QTMAN: variants seen among roughly 807,000 people sequenced by gnomAD.
QTMAN encodes the protein queuosine-tRNA mannosyltransferase.
the QTMAN span, among the ~76,000 whole-genome samples, chr2:144,122,979 C>T: frequency 3.3e-5 from 5 of 152,238 alleles, no homozygotes; most frequent in South Asian, 2.1e-4. Flanking sequence ...CATACACACA[C>T]GCACCCCTCT....
At chr2:144,298,148 A>G in the QTMAN span, among the ~76,000 whole-genome samples, 1 of 151,356 alleles carries the variant, frequency 6.6e-6, no homozygotes, top group African/African-American at 2.4e-5. Flanking sequence ...CCTCCCGAGT[A>G]GCTGGGACTA....
the QTMAN span, among the ~76,000 whole-genome samples, chr2:144,107,827 C>T: frequency 2.6e-5 from 4 of 152,168 alleles, no homozygotes; most frequent in African/African-American, 9.7e-5. Flanking sequence ...GTCAATATCC[C>T]TGATGAACAT....
At chr2:144,291,863 C>T in the QTMAN span, among the ~76,000 whole-genome samples, 3 of 152,300 alleles carry the variant, frequency 2.0e-5, no homozygotes, top group East Asian at 5.8e-4. Context: ...AGTTGGCTAC[C>T]ATGCCTCTAC....
the QTMAN span, among the ~76,000 whole-genome samples, chr2:144,187,008 G>C: frequency 6.6e-6 from 1 of 152,104 alleles, no homozygotes; most frequent in Non-Finnish European, 1.5e-5. Context: ...AATATCTTAA[G>C]ATGCTTAATC....
At chr2:144,045,401 T>C in the QTMAN span, among the ~76,000 whole-genome samples, 3 of 152,222 alleles carry the variant, frequency 2.0e-5, no homozygotes, top group Non-Finnish European at 4.4e-5. Context: ...AAATAACCTG[T>C]TTAACACCAC....
chr2:144,118,870 G>T, the QTMAN span, among the ~76,000 whole-genome samples: 2 of 152,174 alleles, frequency 1.3e-5, no homozygotes, highest in African/African-American at 4.8e-5. Context: ...GACAGAGCAA[G>T]ACTTCATCTC....
the QTMAN span, chr2:144,211,592 T>G: frequency 6.6e-6 from 1 of 152,620 alleles, no homozygotes; most frequent in African/African-American, 2.4e-5. Flanking sequence ...GGAAGAAAGA[T>G]GATTCCTATT....
chr2:143,965,888 T>C, the QTMAN span, among the ~76,000 whole-genome samples: 1 of 152,208 alleles, frequency 6.6e-6, no homozygotes, highest in African/African-American at 2.4e-5. Context: ...TTCCAGGACA[T>C]AGTTGCTAGA....
At chr2:144,310,518 G>A in the QTMAN span, among the ~76,000 whole-genome samples, 11 of 152,196 alleles carry the variant, frequency 7.2e-5, no homozygotes. Flanking sequence ...GATGTGCTGG[G>A]TTTCAGGTTG....
At chr2:144,120,801 GAAAAC>G in the QTMAN span, among the ~76,000 whole-genome samples, 6 of 151,822 alleles carry the variant, frequency 4.0e-5, no homozygotes, top group South Asian at 6.2e-4. Flanking sequence ...TGCCTAAACC[GAAAAC>G]AAAACAAAAC....
the QTMAN span, among the ~76,000 whole-genome samples, chr2:143,982,833 G>C: frequency 6.8e-6 from 1 of 147,426 alleles, no homozygotes; most frequent in Non-Finnish European, 1.5e-5. Context: ...CAGCCTGTGG[G>C]GCTGAGCAAG....
chr2:144,048,764 C>A, the QTMAN span, among the ~76,000 whole-genome samples: 1 of 152,014 alleles, frequency 6.6e-6, no homozygotes, highest in African/African-American at 2.4e-5. Context: ...ATCTCCCCAA[C>A]CCCCACCAAC....
chr2:143,957,345 A>G, the QTMAN span: 1 of 1,558,080 alleles, frequency 6.4e-7, no homozygotes, highest in Non-Finnish European at 8.7e-7. Context: ...AATATCTTTT[A>G]AAAACAAGAA....
At chr2:144,250,507 T>C in the QTMAN span, among the ~76,000 whole-genome samples, 2 of 152,102 alleles carry the variant, frequency 1.3e-5, no homozygotes, top group East Asian at 1.9e-4. Flanking sequence ...TATAAAAATA[T>C]ATCATAACAG....
chr2:144,268,545 C>A, the QTMAN span, among the ~76,000 whole-genome samples: 3 of 152,148 alleles, frequency 2.0e-5, no homozygotes, highest in Non-Finnish European at 4.4e-5. Context: ...AAGCCCTCAC[C>A]AGACAAAGGA....
chr2:144,322,556 A>C, the QTMAN span, among the ~76,000 whole-genome samples: 6 of 152,328 alleles, frequency 3.9e-5, no homozygotes, highest in African/African-American at 1.4e-4. Flanking sequence ...ATTGGTGTCT[A>C]CATTCAATCT....
At chr2:144,119,450 G>T in the QTMAN span, among the ~76,000 whole-genome samples, 1 of 152,222 alleles carries the variant, frequency 6.6e-6, no homozygotes, top group Admixed American at 6.5e-5. Context: ...CCAAGGCACA[G>T]CTCCAATGTC....
At chr2:144,282,654 A>G in the QTMAN span, among the ~76,000 whole-genome samples, 2 of 152,092 alleles carry the variant, frequency 1.3e-5, no homozygotes, top group Non-Finnish European at 2.9e-5. Context: ...TTAATAGGAA[A>G]TATGTGTATT....
chr2:144,278,468 A>G, the QTMAN span, among the ~76,000 whole-genome samples: 279 of 152,224 alleles, frequency 1.8e-3, 8 homozygotes, highest in East Asian at 0.051. Context: ...CCATGCACCT[A>G]CTACGGGCCA....
Sources: gnomAD v4.1 joint callset for allele counts (sites outside exome capture counted in the v4.1 genomes callset) on GRCh38, gnomAD v4.1.1 for gene constraint, MANE v1.5 for transcripts, NCBI Gene and HGNC (gene_info 2026-07-23, HGNC 2026-07-21) for gene names.